Variants in CELA1 observed in about 807,000 individuals in gnomAD.
CELA1 encodes chymotrypsin-like elastase family member 1.
CELA1 carries 28 observed loss-of-function variants against 34.8 expected under a neutral mutation model. The ratio of observed to expected loss-of-function variants is 0.80; its 90% CI spans 0.60 to 1.10. The LOEUF is 1.10. Among genes scored for constraint, CELA1 ranks in the 50% least tolerant of loss-of-function variants. The pLI is 0.00. For missense variants in CELA1, 288 were observed against 327.5 expected (o/e 0.88, Z 0.93); for synonymous variants, 140 against 129.8 (o/e 1.08, Z -0.53).
At chr12:51,338,953 AAAT>A (rs1048166141) in intron 6 of CELA1, among the ~76,000 whole-genome samples, 1 of 152,098 alleles carries the variant, frequency 6.6e-6, no homozygotes, top group Non-Finnish European at 1.5e-5. Context: ...CTCTATATTA[AAAT>A]AATAATAATA....
At chr12:51,334,634 C>T (rs544239734) in intron 6 of CELA1, among the ~76,000 whole-genome samples, 44 of 152,300 alleles carry the variant, frequency 2.9e-4, no homozygotes, top group African/African-American at 1.0e-3. Context: ...CGGGGTTTCA[C>T]CGTGTTAGCC....
rs565219064 is a variant in CELA1, at chr12:51,333,118, G to A, written c.610-3285C>T. Among the ~76,000 whole-genome samples, 3 of 145,256 alleles carry A rather than the reference G, an allele frequency of 2.1e-5. No homozygotes were observed. The East Asian group carries it at 6.1e-4, about 30-fold the overall frequency. The stretch of plus-strand genomic sequence containing the variant: ...TTAATTTTTTTTTTTTTTTGAGACT[G>A]AGTTTCGCTCTTGTTGCCCAGGCTG... On this transcript the variant is annotated intron_variant, in intron 6 of 7. Coordinates refer to ENST00000293636, the MANE Select transcript of CELA1 (RefSeq NM_001971.6).
chr12:51,338,788 G>A (rs1245555801), intron 6 of CELA1, among the ~76,000 whole-genome samples: 16 of 152,146 alleles, frequency 1.1e-4, no homozygotes, highest in Admixed American at 9.8e-4. Context: ...GCATATAGTA[G>A]ATATATAATG....
Position 51,343,592 on chromosome 12 carries a change from G to C in CELA1, c.200+161C>G, listed in dbSNP as rs533182523. 1.4e-3 allele frequency among the ~76,000 whole-genome samples: 207 copies of C among 152,314 alleles called. 1 individual carries two copies. Among genetic ancestry groups the C allele is most frequent in the Non-Finnish European group, 1.8e-3 (125 of 68,028 alleles). ...TTGAGTCTCCCTGACTCCAAAGTTT[G>C]TACTTTCACCATACTACCTCCCTGC... On this transcript the variant is annotated intron_variant, in intron 3 of 7. Coordinates refer to ENST00000293636, the MANE Select transcript of CELA1 (RefSeq NM_001971.6).
Position 51,342,423 on chromosome 12 carries a change from G to T in CELA1, c.326+152C>A, listed in dbSNP as rs1030709409. The T allele has an allele frequency of 2.9e-6, 3 of 1,032,568 alleles. No individual in the cohort carries two copies. The African/African-American group carries it at 4.8e-5, about 16-fold the overall frequency. 64.0% of individuals were successfully genotyped at this position (1,032,568 alleles called of 1,614,324 possible). ...TGGTGCCTTCTCTCAGGCTCAGCTGGGCTCCTTAACTAAAGGCCAGGCCAG... is the reference window on the plus strand; with the variant it reads ...TGGTGCCTTCTCTCAGGCTCAGCTGTGCTCCTTAACTAAAGGCCAGGCCAG... On this transcript the variant is annotated intron_variant, in intron 4 of 7. Transcript: ENST00000293636.
rs986147907 is a variant in CELA1, at chr12:51,342,757, C to G, written c.201-57G>C. On this transcript the variant is annotated intron_variant, in intron 3 of 7. Transcript: ENST00000293636. ...CAGGGGACTCAAACCTTCTCTACCCCACTTAGAGAAAAGTTGAAAAACCAT... is the reference window on the plus strand; with the variant it reads ...CAGGGGACTCAAACCTTCTCTACCCGACTTAGAGAAAAGTTGAAAAACCAT... 1.4e-5 allele frequency: 22 copies of G among 1,550,274 alleles called. No homozygotes were observed. The Admixed American group carries it at 4.0e-4, about 28-fold the overall frequency.
intron 7 of CELA1, among the ~76,000 whole-genome samples, chr12:51,329,113 G>A (rs1946452708): frequency 6.6e-6 from 1 of 151,988 alleles, no homozygotes; most frequent in Admixed American, 6.6e-5. Flanking sequence ...AATTTACCAG[G>A]TTTGGTGGTG....
At chr12:51,340,388 C>CTTT (rs11315182) in intron 5 of CELA1, among the ~76,000 whole-genome samples, 15 of 121,520 alleles carry the variant, frequency 1.2e-4, no homozygotes, top group East Asian at 6.9e-4. Context: ...TTCTTTCTTT[C>CTTT]TTTTTTTTTT....
In CELA1 at chr12:51,339,881, A is replaced by C; in HGVS notation, c.588T>G (p.Asp196Glu). ...VKNTMVCAGG[D>E]GVRSGCQGDS... ...TCACCTGGCATCCAGAGCGAACTCC[A>C]TCTCCACCAGCACACACCATGGTGT... The change falls in exon 6 of 8, where the codon GAT becomes GAG. Residue 196 changes from aspartate to glutamate, a missense_variant. Asp to Glu is a conservative substitution (Grantham distance 45, BLOSUM62 2). Coordinates refer to ENST00000293636, the MANE Select transcript of CELA1 (RefSeq NM_001971.6). 1 of 1,613,870 alleles carries C rather than the reference A, an allele frequency of 6.2e-7. No homozygotes were observed. The highest frequency in any genetic ancestry group is 8.5e-7 in the Non-Finnish European group (1 of 1,179,900).
At chr12:51,346,602 G>T in intron 1 of CELA1, 21 bp downstream of exon 1, 1 of 1,072,138 alleles carries the variant, frequency 9.3e-7, no homozygotes, top group Non-Finnish European at 1.3e-6. Context: ...CCAGGGTTGC[G>T]ACTGGACCAT....
At chr12:51,339,509 C>T (rs1330479890) in intron 6 of CELA1, among the ~76,000 whole-genome samples, 1 of 152,084 alleles carries the variant, frequency 6.6e-6, no homozygotes, top group Non-Finnish European at 1.5e-5. Flanking sequence ...CGAGATCGTC[C>T]CATTGCACTC....
At chr12:51,334,595 G>A (rs190920119) in intron 6 of CELA1, among the ~76,000 whole-genome samples, 10 of 152,124 alleles carry the variant, frequency 6.6e-5, no homozygotes, top group South Asian at 4.2e-4. Flanking sequence ...CACCACACCC[G>A]GCTAATTTTT....
At chr12:51,341,482 A>C in intron 4 of CELA1, 102 bp from the exon 5 acceptor site, 2 of 1,346,944 alleles carry the variant, frequency 1.5e-6, no homozygotes, top group Non-Finnish European at 2.1e-6. Context: ...GTGGAATTGG[A>C]AAGTGACGAC....
intron 6 of CELA1, among the ~76,000 whole-genome samples, chr12:51,330,254 A>G (rs1290132043): frequency 6.6e-6 from 1 of 152,216 alleles, no homozygotes; most frequent in Non-Finnish European, 1.5e-5. Flanking sequence ...TATCCCCAGC[A>G]TTTAGACCAA....
chr12:51,331,234 C>G (rs1018107618), intron 6 of CELA1, among the ~76,000 whole-genome samples: 1 of 149,362 alleles, frequency 6.7e-6, no homozygotes, highest in Non-Finnish European at 1.5e-5. Context: ...ATTAAAAATA[C>G]AAAAATTAGC....
chr12:51,343,686 CCT>C, intron 3 of CELA1, 65 bp downstream of exon 3: 1 of 954,684 alleles, frequency 1.0e-6, no homozygotes, highest in South Asian at 1.3e-5. Context: ...AAAATTATAT[CCT>C]CTTTCAGAAG....
At chr12:51,337,428 T>G (rs1479386298) in intron 6 of CELA1, among the ~76,000 whole-genome samples, 1 of 146,178 alleles carries the variant, frequency 6.8e-6, no homozygotes, top group African/African-American at 2.5e-5. Flanking sequence ...TCCTAGCTAC[T>G]TGGGAGGCTG....
At chr12:51,335,339 C>G (rs978385784) in intron 6 of CELA1, among the ~76,000 whole-genome samples, 1 of 152,140 alleles carries the variant, frequency 6.6e-6, no homozygotes, top group African/African-American at 2.4e-5. Flanking sequence ...TCACTGCAAC[C>G]TCTGCCTCCT....
At chr12:51,337,998 G>A (rs981590714) in intron 6 of CELA1, among the ~76,000 whole-genome samples, 1 of 151,710 alleles carries the variant, frequency 6.6e-6, no homozygotes, top group Admixed American at 6.6e-5. Context: ...GGCAGAGGCA[G>A]GTGGATCACG....
Sources: gnomAD v4.1 joint callset for allele counts (sites outside exome capture counted in the v4.1 genomes callset) on GRCh38, gnomAD v4.1.1 for gene constraint, MANE v1.5 for transcripts, NCBI Gene and HGNC (gene_info 2026-07-23, HGNC 2026-07-21) for gene names.